Variants in ZMYM2 observed in about 807,000 individuals in gnomAD.
The protein encoded by ZMYM2 is zinc finger MYM-type containing 2.
ZMYM2 carries 56 observed loss-of-function variants against 162.8 expected under a neutral mutation model. The observed-to-expected ratio is 0.34, with a 90% CI of 0.28 to 0.43. ZMYM2 has a LOEUF of 0.43. Ranked by LOEUF, ZMYM2 falls within the 20% of genes least tolerant of loss-of-function variation. ZMYM2 has a pLI of 1.00. For synonymous variants in ZMYM2, 510 were observed against 541.6 expected, an observed-to-expected ratio of 0.94 and a Z score of 0.81; for missense variants, 1,275 against 1,621.8, an observed-to-expected ratio of 0.79 and a Z score of 3.67.
chr13:20,024,767 A>G, intron 7 of ZMYM2: 1 of 217,634 alleles, frequency 4.6e-6, no homozygotes, highest in Non-Finnish European at 9.2e-6. Flanking sequence ...GTATGTTTGC[A>G]GCCATTTTTA....
the ZMYM2 span, among the ~76,000 whole-genome samples, chr13:19,937,730 T>G: frequency 6.6e-6 from 1 of 151,798 alleles, no homozygotes; most frequent in Non-Finnish European, 1.5e-5. Flanking sequence ...GTTGGTGTGC[T>G]GCACCCATTA....
intron 3 of ZMYM2, among the ~76,000 whole-genome samples, chr13:19,995,624 C>T (rs1167107681): frequency 6.6e-6 from 1 of 152,146 alleles, no homozygotes; most frequent in Admixed American, 6.6e-5. Flanking sequence ...AGTGATCCAT[C>T]TGCCTTGGCC....
the ZMYM2 span, among the ~76,000 whole-genome samples, chr13:19,946,202 T>A: frequency 8.2e-4 from 125 of 152,312 alleles, no homozygotes; most frequent in South Asian, 2.5e-3. Context: ...GCCAGGGTTA[T>A]ATGCTTAAGG....
At chr13:19,955,691 G>A (rs553454262), upstream of ZMYM2, among the ~76,000 whole-genome samples, 1 of 152,086 alleles carries the variant, frequency 6.6e-6, no homozygotes, top group South Asian at 2.1e-4. Context: ...GTGCGCTCTC[G>A]GCTCACTGCA....
rs868548962 is a variant in ZMYM2, at chr13:20,088,274, G to A, written c.*2260G>A. On this transcript the variant is annotated 3_prime_UTR_variant, in exon 25 of 25. Coordinates refer to ENST00000610343, the MANE Select transcript of ZMYM2 (RefSeq NM_197968.4). Reference sequence around the variant, plus strand: ...TGTTCTGTGAAACTCACTTCACCTAGAACACATTTCATTGATTCTTGGATC... The same window carrying A: ...TGTTCTGTGAAACTCACTTCACCTAAAACACATTTCATTGATTCTTGGATC... 2 of 208,232 alleles carry A rather than the reference G, an allele frequency of 9.6e-6. No individual in the cohort carries two copies. The highest frequency in any genetic ancestry group is 3.8e-4 in the South Asian group (2 of 5,326). 12.9% of individuals were successfully genotyped at this position (208,232 alleles called of 1,614,324 possible).
chr13:19,888,269 G>T, the ZMYM2 span, among the ~76,000 whole-genome samples: 1 of 151,730 alleles, frequency 6.6e-6, no homozygotes, highest in Non-Finnish European at 1.5e-5. Flanking sequence ...ACTCACCGCA[G>T]TCTCGACCTC....
chr13:20,004,263 G>T (rs991210727), intron 4 of ZMYM2, among the ~76,000 whole-genome samples: 7 of 150,776 alleles, frequency 4.6e-5, no homozygotes, highest in African/African-American at 9.7e-5. Flanking sequence ...GTTTTGTTTT[G>T]TTTTTTTTTG....
At chr13:19,899,045 C>T in the ZMYM2 span, among the ~76,000 whole-genome samples, 4 of 151,726 alleles carry the variant, frequency 2.6e-5, no homozygotes, top group Non-Finnish European at 4.4e-5. Flanking sequence ...CTCCGCCTCC[C>T]GGGTTTAAGC....
At chr13:20,040,319 G>A (rs1164842964) in intron 12 of ZMYM2, among the ~76,000 whole-genome samples, 1 of 151,994 alleles carries the variant, frequency 6.6e-6, no homozygotes, top group African/African-American at 2.4e-5. Flanking sequence ...GTCTTGGGAG[G>A]GTGTATGTGT....
chr13:19,963,532 G>C (rs1285144361), intron 2 of ZMYM2, among the ~76,000 whole-genome samples: 4 of 151,672 alleles, frequency 2.6e-5, no homozygotes, highest in African/African-American at 9.7e-5. Context: ...TTATGTAGTT[G>C]GAGTTGCACA....
At chr13:19,954,482 G>A (rs1243121103), upstream of ZMYM2, among the ~76,000 whole-genome samples, 1 of 152,050 alleles carries the variant, frequency 6.6e-6, no homozygotes, top group Non-Finnish European at 1.5e-5. Flanking sequence ...AAGCTATCTA[G>A]AGAGGCTGTA....
At chr13:20,083,061 T>G (rs1161018497) in intron 23 of ZMYM2, 29 bp downstream of exon 23, 1 of 1,517,878 alleles carries the variant, frequency 6.6e-7, no homozygotes, top group East Asian at 2.5e-5. Flanking sequence ...ATTTTTATTT[T>G]TATTTTTAAA....
At chr13:19,869,857 A>G in the ZMYM2 span, among the ~76,000 whole-genome samples, 1 of 152,224 alleles carries the variant, frequency 6.6e-6, no homozygotes, top group Non-Finnish European at 1.5e-5. Context: ...AACTTGAACA[A>G]TCACACAGGA....
intron 12 of ZMYM2, among the ~76,000 whole-genome samples, chr13:20,046,869 G>C (rs899059233): frequency 2.0e-5 from 3 of 151,894 alleles, no homozygotes; most frequent in African/African-American, 7.3e-5. Flanking sequence ...AGAATTCAGT[G>C]ATGAGGATTT....
At chr13:20,079,391 A>ATT (rs78988872) in intron 21 of ZMYM2, among the ~76,000 whole-genome samples, 26 of 142,970 alleles carry the variant, frequency 1.8e-4, no homozygotes, top group South Asian at 1.1e-3. Flanking sequence ...TTCTGTGATG[A>ATT]TTTTTTTTTA....
the ZMYM2 span, among the ~76,000 whole-genome samples, chr13:19,926,428 A>G: frequency 7.2e-6 from 1 of 139,728 alleles, no homozygotes; most frequent in Non-Finnish European, 1.5e-5. Context: ...CAGTGGTGCC[A>G]TCTCGGCTCA....
the ZMYM2 span, among the ~76,000 whole-genome samples, chr13:19,884,825 C>A: frequency 6.6e-6 from 1 of 152,124 alleles, no homozygotes; most frequent in Admixed American, 6.6e-5. Context: ...AACAAACATT[C>A]CAGCAGTAAA....
At chr13:20,046,536 A>C (rs1288869198) in intron 12 of ZMYM2, among the ~76,000 whole-genome samples, 3 of 138,302 alleles carry the variant, frequency 2.2e-5, no homozygotes, top group African/African-American at 7.9e-5. Flanking sequence ...CCTGGGGGAC[A>C]CAGTAAGACT....
intron 12 of ZMYM2, among the ~76,000 whole-genome samples, chr13:20,040,326 G>C (rs1471685804): frequency 6.6e-6 from 1 of 152,134 alleles, no homozygotes; most frequent in East Asian, 1.9e-4. Flanking sequence ...GAGGGTGTAT[G>C]TGTCCAGGAA....
Sources: allele counts gnomAD v4.1 joint callset (sites outside exome capture counted in the v4.1 genomes callset), GRCh38; gene constraint gnomAD v4.1.1; transcripts MANE v1.5; gene names NCBI Gene and HGNC (gene_info 2026-07-23, HGNC 2026-07-21).